TSPAN5: variants seen among roughly 807,000 people sequenced by gnomAD.
TSPAN5 encodes the protein tetraspanin 5.
Under a neutral mutation model 37.1 loss-of-function variants are expected in TSPAN5, and 10 were observed. The observed-to-expected ratio is 0.27, with a 90% CI of 0.17 to 0.46. The LOEUF (loss-of-function observed/expected upper bound fraction) is 0.46. Among genes scored for constraint, TSPAN5 ranks in the 20% least tolerant of loss-of-function variants. The pLI is 1.00. For synonymous variants in TSPAN5, 110 were observed against 118.9 expected (o/e 0.93, Z 0.48); for missense variants, 195 against 326.6 (o/e 0.60, Z 3.11).
At chr4:98,533,964 C>CAAAAAAAAAAAAAA (rs1560526857) in intron 1 of TSPAN5, among the ~76,000 whole-genome samples, 1 of 22,294 alleles carries the variant, frequency 4.5e-5, no homozygotes, top group Non-Finnish European at 7.6e-5. Flanking sequence ...AAAAAAAAAC[C>CAAAAAAAAAAAAAA]AGCTCCTGGA....
rs564329572 is a variant in TSPAN5, at chr4:98,550,319, C to T, written c.82-42591G>A. 8.4e-4 allele frequency among the ~76,000 whole-genome samples: 127 copies of T among 152,088 alleles called. 1 individual carries two copies. The highest frequency in any genetic ancestry group is 2.8e-3 in the African/African-American group (118 of 41,518). On this transcript the variant is annotated intron_variant, in intron 1 of 7. Transcript: ENST00000305798. ...TGTAATTTCAAGTCAGGTAACGTGACGCCTCTAGATTTTTTCTTTTTGCTT... is the reference window on the plus strand; with the variant it reads ...TGTAATTTCAAGTCAGGTAACGTGATGCCTCTAGATTTTTTCTTTTTGCTT...
chr4:98,516,630 T>G (rs1753736794), intron 1 of TSPAN5, among the ~76,000 whole-genome samples: 1 of 152,160 alleles, frequency 6.6e-6, no homozygotes, highest in African/African-American at 2.4e-5. Flanking sequence ...AATGTTGAAA[T>G]TTGATCCCCA....
At chr4:98,558,513 C>T (rs1754802376) in intron 1 of TSPAN5, among the ~76,000 whole-genome samples, 1 of 152,314 alleles carries the variant, frequency 6.6e-6, no homozygotes, top group South Asian at 2.1e-4. Context: ...ATATCCACAG[C>T]TTCCCCAGGG....
At position 98,497,940 on chromosome 4, in the gene TSPAN5, G is replaced by A. The variant is rs139644952; in HGVS notation, c.132+9738C>T. The stretch of plus-strand genomic sequence containing the variant: ...GAAGAGATGAAGAGGCTGGTTGGGC[G>A]AGGCTGGGTTTGTATCTGAGGGCAT... On this transcript the variant is annotated intron_variant, in intron 2 of 7. Transcript: ENST00000305798. Among the ~76,000 whole-genome samples, 1,042 of 152,264 alleles carry A rather than the reference G, an allele frequency of 6.8e-3. 12 individuals are homozygous for A. The highest frequency in any genetic ancestry group is 0.024 in the African/African-American group (1,004 of 41,546).
chr4:98,597,688 AC>A (rs1184775636), intron 1 of TSPAN5, among the ~76,000 whole-genome samples: 10 of 23,474 alleles, frequency 4.3e-4, no homozygotes, highest in African/African-American at 2.6e-3. Context: ...CTGTTGGAAT[AC>A]CCTGCCGTGT....
chr4:98,557,870 T>A (rs1754788327), intron 1 of TSPAN5, among the ~76,000 whole-genome samples: 1 of 152,204 alleles, frequency 6.6e-6, no homozygotes, highest in African/African-American at 2.4e-5. Context: ...CTGAGGAACA[T>A]TCCACAAAAT....
At chr4:98,562,789 A>C (rs1199913181) in intron 1 of TSPAN5, among the ~76,000 whole-genome samples, 1 of 152,228 alleles carries the variant, frequency 6.6e-6, no homozygotes, top group Non-Finnish European at 1.5e-5. Context: ...ATAAGTATAT[A>C]AAAAGAGAGA....
chr4:98,491,252 C>A (rs1245477437), intron 2 of TSPAN5, among the ~76,000 whole-genome samples: 6 of 152,176 alleles, frequency 3.9e-5, no homozygotes, highest in Admixed American at 6.5e-5. Context: ...ATCACTACCT[C>A]AAATCTTGAA....
intron 1 of TSPAN5, among the ~76,000 whole-genome samples, chr4:98,588,030 T>C (rs1755536291): frequency 6.6e-6 from 1 of 152,204 alleles, no homozygotes; most frequent in African/African-American, 2.4e-5. Flanking sequence ...GTCCTTTCAC[T>C]TTGAGTTCCT....
chr4:98,532,137 C>G (rs1754107821), intron 1 of TSPAN5, among the ~76,000 whole-genome samples: 4 of 152,120 alleles, frequency 2.6e-5, no homozygotes, highest in Admixed American at 2.6e-4. Context: ...TTTGCCCATG[C>G]CTATGTCCTG....
chr4:98,598,614 G>A (rs1432654658), intron 1 of TSPAN5, among the ~76,000 whole-genome samples: 1 of 152,066 alleles, frequency 6.6e-6, no homozygotes, highest in Admixed American at 6.5e-5. Flanking sequence ...ACAGGTGCGT[G>A]CCACTATACC....
At chr4:98,527,926 G>C (rs1753995642) in intron 1 of TSPAN5, among the ~76,000 whole-genome samples, 1 of 152,330 alleles carries the variant, frequency 6.6e-6, no homozygotes, top group African/African-American at 2.4e-5. Context: ...AGCTATTTCT[G>C]ATGAATATGA....
At chr4:98,592,134 A>G (rs1755648752) in intron 1 of TSPAN5, among the ~76,000 whole-genome samples, 1 of 151,064 alleles carries the variant, frequency 6.6e-6, no homozygotes, top group Non-Finnish European at 1.5e-5. Context: ...TATAACAACT[A>G]GATAGCCACA....
chr4:98,497,753 TGAGTCTA>T (rs1204945916), intron 2 of TSPAN5, among the ~76,000 whole-genome samples: 2 of 152,148 alleles, frequency 1.3e-5, no homozygotes, highest in East Asian at 3.9e-4. Flanking sequence ...CCTCAGGAGC[TGAGTCTA>T]GAGGGGAGAC....
At chr4:98,486,958 A>C in intron 2 of TSPAN5, 74 bp from the exon 3 acceptor site, 1 of 1,507,390 alleles carries the variant, frequency 6.6e-7, no homozygotes, top group Non-Finnish European at 9.0e-7. Context: ...AGATTATTGC[A>C]TTTGTCCTTT....
At chr4:98,629,845 T>C (rs1756701643) in intron 1 of TSPAN5, among the ~76,000 whole-genome samples, 1 of 152,204 alleles carries the variant, frequency 6.6e-6, no homozygotes. Flanking sequence ...AATAAATGAA[T>C]GAAGATCAAA....
chr4:98,563,046 A>C (rs975971819), intron 1 of TSPAN5, among the ~76,000 whole-genome samples: 3 of 152,286 alleles, frequency 2.0e-5, no homozygotes, highest in South Asian at 4.1e-4. Context: ...ACTGCTGTGC[A>C]AGCTGTGCAC....
intron 5 of TSPAN5, among the ~76,000 whole-genome samples, chr4:98,478,361 G>A (rs1287210193): frequency 3.3e-5 from 5 of 152,206 alleles, no homozygotes; most frequent in African/African-American, 1.2e-4. Context: ...TGCAAGCTTG[G>A]GAAAGTCACT....
At chr4:98,538,321 G>A (rs1422131891) in intron 1 of TSPAN5, among the ~76,000 whole-genome samples, 2 of 152,208 alleles carry the variant, frequency 1.3e-5, no homozygotes, top group Admixed American at 1.3e-4. Flanking sequence ...TCTGGCTTAG[G>A]ATGGAGAAAT....
Sources: allele counts gnomAD v4.1 joint callset (sites outside exome capture counted in the v4.1 genomes callset), GRCh38; gene constraint gnomAD v4.1.1; transcripts MANE v1.5; gene names NCBI Gene and HGNC (gene_info 2026-07-23, HGNC 2026-07-21).